LRRC3B: variants seen among roughly 807,000 people sequenced by gnomAD.
The protein encoded by LRRC3B is leucine rich repeat containing 3B.
A neutral mutation model predicts 12.8 loss-of-function variants in LRRC3B; 2 were observed. The ratio of observed to expected loss-of-function variants is 0.16; its 90% confidence interval spans 0.06 to 0.49. The LOEUF is 0.49. Among genes scored for constraint, LRRC3B ranks in the 20% least tolerant of loss-of-function variants. The pLI, the probability that LRRC3B is intolerant of heterozygous loss-of-function variation, is 0.96. For missense variants in LRRC3B, 189 were observed against 319.4 expected (o/e 0.59, Z 3.11); for synonymous variants, 132 against 122.0 (o/e 1.08, Z -0.54).
intron 1 of LRRC3B, among the ~76,000 whole-genome samples, chr3:26,625,754 GT>G (rs1411159456): frequency 6.6e-6 from 1 of 152,148 alleles, no homozygotes; most frequent in Non-Finnish European, 1.5e-5. Context: ...GTAACAATCA[GT>G]GCTAGCTAGC....
chr3:26,708,244 G>T (rs149654175), intron 1 of LRRC3B, among the ~76,000 whole-genome samples: 31 of 152,226 alleles, frequency 2.0e-4, no homozygotes, highest in Admixed American at 2.0e-3. Context: ...TCTAAGTCAG[G>T]CATGGGTTCC....
chr3:26,697,764 A>G (rs1365497931), intron 1 of LRRC3B, among the ~76,000 whole-genome samples: 1 of 152,198 alleles, frequency 6.6e-6, no homozygotes, highest in Non-Finnish European at 1.5e-5. Flanking sequence ...CATTTAAATC[A>G]GATGTGCAAA....
chr3:26,693,052 C>T (rs1206257280), intron 1 of LRRC3B, among the ~76,000 whole-genome samples: 5 of 152,032 alleles, frequency 3.3e-5, no homozygotes, highest in Non-Finnish European at 5.9e-5. Context: ...AAGAGCAGGC[C>T]GGGCGCGGTG....
intron 1 of LRRC3B, among the ~76,000 whole-genome samples, chr3:26,697,809 C>G (rs1700356307): frequency 6.6e-6 from 1 of 152,082 alleles, no homozygotes; most frequent in Non-Finnish European, 1.5e-5. Flanking sequence ...AGCAAAATTT[C>G]TTTCTATTTT....
intron 1 of LRRC3B, among the ~76,000 whole-genome samples, chr3:26,642,953 G>T (rs957878195): frequency 6.6e-6 from 1 of 150,444 alleles, no homozygotes; most frequent in Non-Finnish European, 1.5e-5. Flanking sequence ...GGAGGCAGAG[G>T]TTGCAGAGAG....
intron 1 of LRRC3B, among the ~76,000 whole-genome samples, chr3:26,704,473 C>T (rs975120279): frequency 2.0e-5 from 3 of 152,026 alleles, no homozygotes; most frequent in Admixed American, 1.3e-4. Context: ...GATCAAGAAT[C>T]TTTTTATATT....
chr3:26,678,557 T>A (rs1559364283), intron 1 of LRRC3B, among the ~76,000 whole-genome samples: 1 of 151,734 alleles, frequency 6.6e-6, no homozygotes, highest in Non-Finnish European at 1.5e-5. Context: ...AGAATCAGAT[T>A]CTGCATCCTG....
intron 1 of LRRC3B, among the ~76,000 whole-genome samples, chr3:26,655,790 CTAAG>C (rs1699361244): frequency 6.6e-6 from 1 of 152,120 alleles, no homozygotes; most frequent in African/African-American, 2.4e-5. Flanking sequence ...CTACTGGTTA[CTAAG>C]TGTCTGTCAT....
At chr3:26,700,587 C>CTAAAG (rs1303557554) in intron 1 of LRRC3B, among the ~76,000 whole-genome samples, 1 of 152,122 alleles carries the variant, frequency 6.6e-6, no homozygotes, top group Admixed American at 6.6e-5. Context: ...CCACAAGCTT[C>CTAAAG]TAAAGTAGTT....
chr3:26,631,977 T>G (rs994715704), intron 1 of LRRC3B, among the ~76,000 whole-genome samples: 7 of 152,236 alleles, frequency 4.6e-5, no homozygotes, highest in African/African-American at 1.7e-4. Flanking sequence ...TGACTCAGAC[T>G]CATTTCTTTG....
chr3:26,673,430 A>G (rs950097808), intron 1 of LRRC3B, among the ~76,000 whole-genome samples: 2 of 152,232 alleles, frequency 1.3e-5, no homozygotes, highest in South Asian at 4.1e-4. Context: ...CTACAGAACA[A>G]TGAAAATGTA....
intron 1 of LRRC3B, among the ~76,000 whole-genome samples, chr3:26,671,358 A>ATATATATG (rs1553603730): frequency 1.0e-4 from 7 of 69,200 alleles, no homozygotes; most frequent in African/African-American, 3.7e-4. Context: ...GTGTATATAT[A>ATATATATG]TATATATATA....
intron 1 of LRRC3B, among the ~76,000 whole-genome samples, chr3:26,674,803 C>G (rs1298124788): frequency 1.3e-5 from 2 of 152,178 alleles, no homozygotes; most frequent in Non-Finnish European, 2.9e-5. Flanking sequence ...ACAACCTTCT[C>G]TCTACTTCTT....
chr3:26,641,531 C>A (rs114563448), intron 1 of LRRC3B, among the ~76,000 whole-genome samples: 1 of 152,140 alleles, frequency 6.6e-6, no homozygotes, highest in Admixed American at 6.5e-5. Flanking sequence ...CATGTTCCCA[C>A]GTAGCTAAGT....
intron 1 of LRRC3B, among the ~76,000 whole-genome samples, chr3:26,630,869 G>A (rs996145440): frequency 1.8e-4 from 28 of 152,008 alleles, no homozygotes; most frequent in African/African-American, 6.8e-4. Context: ...GAATGAAAGG[G>A]CTCTCAGTTG....
At chr3:26,667,825 GC>G (rs1237707585) in intron 1 of LRRC3B, among the ~76,000 whole-genome samples, 11 of 152,038 alleles carry the variant, frequency 7.2e-5, no homozygotes, top group Admixed American at 7.2e-4. Flanking sequence ...AAGAGGATGA[GC>G]CCGGGCATTG....
chr3:26,681,760 G>A (rs1042859520), intron 1 of LRRC3B, among the ~76,000 whole-genome samples: 9 of 152,130 alleles, frequency 5.9e-5, no homozygotes, highest in Non-Finnish European at 1.2e-4. Context: ...CCAGATGGTT[G>A]ATAGATCTGG....
chr3:26,686,173 G>A (rs1028291936), intron 1 of LRRC3B, among the ~76,000 whole-genome samples: 23 of 151,746 alleles, frequency 1.5e-4, no homozygotes, highest in African/African-American at 4.6e-4. Context: ...TCCGCCTCCC[G>A]GGTTCACGCC....
rs569910290 is a variant in LRRC3B, at chr3:26,665,858, C to G, written c.-161+42621C>G. The stretch of plus-strand genomic sequence containing the variant: ...TGATGTTCACCAGAGTAGCTCATGT[C>G]CTGGAAAATCTGTCTAACTGGGTTC... On this transcript the variant is annotated intron_variant, in intron 1 of 1. Transcript: ENST00000396641. 2.6e-5 allele frequency among the ~76,000 whole-genome samples: 4 copies of G among 152,176 alleles called. No homozygotes were observed. The South Asian group carries it at 8.3e-4, about 32-fold the overall frequency.
Sources: allele counts gnomAD v4.1 joint callset (sites outside exome capture counted in the v4.1 genomes callset), GRCh38; gene constraint gnomAD v4.1.1; transcripts MANE v1.5; gene names NCBI Gene and HGNC (gene_info 2026-07-23, HGNC 2026-07-21).